The following SART3 variants were observed in gnomAD, a reference collection of about 807,000 sequenced individuals.
The protein encoded by SART3 is spliceosome associated factor 3, U4/U6 recycling protein, also known as HIV-1 Tat-interacting protein of 110kDa.
Under a neutral mutation model 122.3 loss-of-function variants are expected in SART3, and 44 were observed. That is an observed-to-expected ratio of 0.36 (90% CI 0.28 to 0.46). The LOEUF (loss-of-function observed/expected upper bound fraction) is 0.46, where lower values mean the gene tolerates loss of function less well. SART3 is among the 20% of genes least tolerant of loss of function. SART3 has a pLI of 1.00. For missense variants in SART3, 1,101 were observed against 1,229.0 expected (o/e 0.90, Z 1.56); for synonymous variants, 442 against 454.0 (o/e 0.97, Z 0.34).
At chr12:108,555,916 G>A (rs1379274691) in intron 1 of SART3, among the ~76,000 whole-genome samples, 1 of 152,160 alleles carries the variant, frequency 6.6e-6, no homozygotes, top group Non-Finnish European at 1.5e-5. Context: ...CAGATAGCAA[G>A]CCTTAGCAAT....
At chr12:108,553,475 T>G (rs867820981) in intron 1 of SART3, among the ~76,000 whole-genome samples, 1 of 152,196 alleles carries the variant, frequency 6.6e-6, no homozygotes, top group South Asian at 2.1e-4. Context: ...TGTTGGGATA[T>G]AGGGATAATT....
At chr12:108,530,087 G>T in intron 15 of SART3, 55 bp downstream of exon 15, 1 of 1,597,174 alleles carries the variant, frequency 6.3e-7, no homozygotes. Context: ...TACTGTATTC[G>T]CAACTTCTCT....
At chr12:108,558,129 A>G (rs2030311878) in intron 1 of SART3, among the ~76,000 whole-genome samples, 1 of 152,060 alleles carries the variant, frequency 6.6e-6, no homozygotes, top group Non-Finnish European at 1.5e-5. Flanking sequence ...TGATCACACC[A>G]CTACTCCAGC....
At chr12:108,545,550 G>A (rs1873365631) in intron 3 of SART3, among the ~76,000 whole-genome samples, 1 of 152,174 alleles carries the variant, frequency 6.6e-6, no homozygotes, top group Non-Finnish European at 1.5e-5. Context: ...CAATGCCTGT[G>A]AGAGAGTAAG....
At chr12:108,546,085 C>T (rs1427447770) in intron 3 of SART3, among the ~76,000 whole-genome samples, 1 of 151,352 alleles carries the variant, frequency 6.6e-6, no homozygotes, top group Non-Finnish European at 1.5e-5. Context: ...TGTAAAGATA[C>T]ACAAAAAATT....
chr12:108,536,608 T>C (rs201183428), intron 10 of SART3, 36 bp from the exon 11 acceptor site: 37 of 1,612,586 alleles, frequency 2.3e-5, no homozygotes, highest in South Asian at 3.3e-5. Context: ...AGAAAGGAAC[T>C]TGGAGACAGA....
intron 15 of SART3, among the ~76,000 whole-genome samples, chr12:108,527,053 TCTA>T (rs1872419997): frequency 6.6e-6 from 1 of 152,212 alleles, no homozygotes; most frequent in South Asian, 2.1e-4. Flanking sequence ...ACCACAATCT[TCTA>T]CTGCAGTCTG....
intron 6 of SART3, 44 bp from the exon 7 acceptor site, chr12:108,539,133 A>G: frequency 6.2e-7 from 1 of 1,609,224 alleles, no homozygotes; most frequent in Non-Finnish European, 8.5e-7. Flanking sequence ...ACTGGCAGGA[A>G]GCACAACACA....
intron 1 of SART3, chr12:108,560,148 A>C (rs1347629034): frequency 2.6e-5 from 4 of 152,270 alleles, no homozygotes; most frequent in Non-Finnish European, 1.5e-5. Flanking sequence ...TATACAGTAG[A>C]TATCACCACC....
At chr12:108,542,161 C>T (rs1263894944) in intron 6 of SART3, among the ~76,000 whole-genome samples, 2 of 152,032 alleles carry the variant, frequency 1.3e-5, no homozygotes, top group Non-Finnish European at 2.9e-5. Flanking sequence ...CACTTTAACA[C>T]GCACAAAAAT....
At chr12:108,557,206 GTTTTTT>G (rs71076787) in intron 1 of SART3, among the ~76,000 whole-genome samples, 5 of 82,932 alleles carry the variant, frequency 6.0e-5, no homozygotes, top group Admixed American at 1.8e-4. Context: ...TAATGACATA[GTTTTTT>G]TTTTTTTTTT....
At chr12:108,523,724 T>C (rs1032271250) in intron 18 of SART3, 90 bp from the exon 19 acceptor site, 5 of 1,115,796 alleles carry the variant, frequency 4.5e-6, no homozygotes, top group East Asian at 2.4e-5. Context: ...AGTTTTAATA[T>C]AACCAGAAGT....
intron 15 of SART3, among the ~76,000 whole-genome samples, 163 bp from the exon 16 acceptor site, chr12:108,526,716 C>T (rs866070260): frequency 6.6e-6 from 1 of 152,140 alleles, no homozygotes; most frequent in African/African-American, 2.4e-5. Context: ...TTTTGTGATC[C>T]GCCTGACCTG....
At chr12:108,549,360 T>A in intron 1 of SART3, 146 bp from the exon 2 acceptor site, 1 of 762,494 alleles carries the variant, frequency 1.3e-6, no homozygotes, top group Non-Finnish European at 2.2e-6. Context: ...ACCCAGCACG[T>A]ACCCACAGGT....
At chr12:108,546,168 T>C (rs1324118543) in intron 3 of SART3, among the ~76,000 whole-genome samples, 1 of 152,080 alleles carries the variant, frequency 6.6e-6, no homozygotes, top group African/African-American at 2.4e-5. Context: ...CATTGGGAAA[T>C]CAACAAGGAA....
intron 1 of SART3, among the ~76,000 whole-genome samples, chr12:108,559,257 T>G (rs12321701): frequency 0.045 from 6,804 of 152,244 alleles, 509 homozygotes; most frequent in African/African-American, 0.15. Context: ...ATTCACTGAG[T>G]GATTTCACAT....
intron 17 of SART3, 134 bp from the exon 18 acceptor site, chr12:108,524,640 A>G (rs1593230770): frequency 5.4e-6 from 4 of 743,876 alleles, no homozygotes; most frequent in Non-Finnish European, 9.4e-6. Context: ...CCAACAGGTT[A>G]CCTTCCCCAC....
In SART3 at chr12:108,526,454, G is replaced by T. The variant is rs760934173; in HGVS notation, c.2015C>A (p.Ala672Asp). ...VAAGPAGKCA[A>D]VDVEPPSKQK... ...CTTCGAAGGGGGCTCCACATCTACG[G>T]CAGCACATTTCCCAGCGGGCCCTGC... The change falls in exon 16 of 19, where the codon GCC (alanine) becomes GAC (aspartate). Residue 672 changes from alanine to aspartate, a missense_variant. Physicochemically the swap from Ala to Asp is moderately radical, Grantham distance 126. Around this residue, in one of 2 missense-constraint regions of SART3, gnomAD observed 885 missense variants for 1,080.1 expected, o/e 0.82. Transcript: ENST00000546815. 2.4e-5 allele frequency: 39 copies of T among 1,614,014 alleles called. No individual in the cohort carries two copies. Among genetic ancestry groups the T allele is most frequent in the Non-Finnish European group, 3.3e-5 (39 of 1,180,046 alleles).
At chr12:108,542,777 G>C (rs1042441072) in intron 6 of SART3, 8 of 585,358 alleles carry the variant, frequency 1.4e-5, no homozygotes, top group Admixed American at 4.4e-5. Context: ...TACCTCTCGG[G>C]AGAGGGAGGA....
Sources: allele counts gnomAD v4.1 joint callset (sites outside exome capture counted in the v4.1 genomes callset), GRCh38; gene constraint gnomAD v4.1.1; regional missense constraint gnomAD v4.1.1; transcripts MANE v1.5; gene names NCBI Gene and HGNC (gene_info 2026-07-23, HGNC 2026-07-21).